HIBADH: variants seen among roughly 807,000 people sequenced by gnomAD.
HIBADH encodes the protein 3-hydroxyisobutyrate dehydrogenase.
In HIBADH, 25 loss-of-function variants were observed where a neutral mutation model predicts 36.1. The observed-to-expected ratio is 0.69, with a 90% confidence interval of 0.50 to 0.97. The LOEUF (loss-of-function observed/expected upper bound fraction) is 0.97, where lower values mean the gene tolerates loss of function less well. HIBADH is among the 50% of genes least tolerant of loss of function. The probability of loss-of-function intolerance (pLI) is 0.00; values close to 1 mark genes in which losing one functional copy is unlikely to be tolerated. For missense variants in HIBADH, 421 were observed against 418.0 expected (o/e 1.01, Z -0.06); for synonymous variants, 160 against 149.5 (o/e 1.07, Z -0.51).
chr7:27,543,509 T>C (rs555619053), intron 4 of HIBADH, among the ~76,000 whole-genome samples: 12 of 151,886 alleles, frequency 7.9e-5, no homozygotes, highest in Non-Finnish European at 1.8e-4. Context: ...CAGAGAGAGG[T>C]CTGCTGCCCA....
In HIBADH at chr7:27,627,743, A is replaced by G. The variant is rs180782302; in HGVS notation, c.484+1628T>C. On this transcript the variant is annotated intron_variant, in intron 4 of 7. Transcript: ENST00000265395. ...TCATAATGATCATGTGTCAACCAAT[A>G]AATTACCACAAATCATCCCTGCACA... is the stretch of plus-strand genomic sequence containing the variant. Among the ~76,000 whole-genome samples, 564 of 152,292 alleles carry G rather than the reference A, an allele frequency of 3.7e-3. 1 individual carries two copies. Among genetic ancestry groups the G allele is most frequent in the African/African-American group, 0.013 (530 of 41,572 alleles).
At chr7:27,647,166 G>A (rs745375103) in intron 2 of HIBADH, among the ~76,000 whole-genome samples, 1 of 152,096 alleles carries the variant, frequency 6.6e-6, no homozygotes, top group Non-Finnish European at 1.5e-5. Flanking sequence ...AAATAAGCAC[G>A]CGATATCACA....
At chr7:27,634,666 TAA>T (rs1491403338) in intron 2 of HIBADH, among the ~76,000 whole-genome samples, 3 of 152,210 alleles carry the variant, frequency 2.0e-5, no homozygotes, top group African/African-American at 7.2e-5. Flanking sequence ...ACCTGAGGTC[TAA>T]GAGTTAATTT....
At chr7:27,620,223 T>C (rs1785513494) in intron 4 of HIBADH, among the ~76,000 whole-genome samples, 1 of 151,766 alleles carries the variant, frequency 6.6e-6, no homozygotes, top group African/African-American at 2.4e-5. Flanking sequence ...GAGGTTGGGG[T>C]TGGGGGGAAT....
chr7:27,616,326 C>CTCTTTCTCT, intron 4 of HIBADH, among the ~76,000 whole-genome samples: 1 of 152,300 alleles, frequency 6.6e-6, no homozygotes, highest in East Asian at 1.9e-4. Context: ...TCTCCTCCAA[C>CTCTTTCTCT]ACTGGGGATC....
intron 4 of HIBADH, among the ~76,000 whole-genome samples, chr7:27,559,445 G>C (rs761630917): frequency 6.6e-6 from 1 of 151,980 alleles, no homozygotes; most frequent in African/African-American, 2.4e-5. Context: ...AAAAAAGCAA[G>C]ATCTCATCTC....
chr7:27,589,713 A>G (rs1316594812), intron 4 of HIBADH, among the ~76,000 whole-genome samples: 1 of 152,230 alleles, frequency 6.6e-6, no homozygotes, highest in Non-Finnish European at 1.5e-5. Flanking sequence ...ATCAGTAAAA[A>G]GGCAATTTGG....
chr7:27,613,145 TA>T (rs1291043603), intron 4 of HIBADH, among the ~76,000 whole-genome samples: 8 of 105,062 alleles, frequency 7.6e-5, no homozygotes, highest in Admixed American at 1.2e-4. Context: ...TATATAAATA[TA>T]TTTTATATAA....
At chr7:27,616,399 T>C (rs1269421747) in intron 4 of HIBADH, among the ~76,000 whole-genome samples, 4 of 152,156 alleles carry the variant, frequency 2.6e-5, no homozygotes, top group African/African-American at 9.7e-5. Flanking sequence ...TAATATCAAA[T>C]GAGTGAATGT....
chr7:27,653,667 G>A (rs759075427), intron 1 of HIBADH, among the ~76,000 whole-genome samples: 6 of 151,900 alleles, frequency 3.9e-5, no homozygotes, highest in Non-Finnish European at 7.4e-5. Context: ...AACCTGGGAG[G>A]CGGAGCTTGC....
chr7:27,655,532 T>C (rs1786282942), intron 1 of HIBADH, among the ~76,000 whole-genome samples: 2 of 152,172 alleles, frequency 1.3e-5, no homozygotes, highest in African/African-American at 2.4e-5. Context: ...CTGCTTCATA[T>C]TTTTCATAAT....
chr7:27,595,579 GGTGTGTGTGTGTGTGTGTGTGTGTGT>G (rs3219776), intron 4 of HIBADH, among the ~76,000 whole-genome samples: 7 of 143,338 alleles, frequency 4.9e-5, no homozygotes, highest in East Asian at 2.1e-4. Context: ...CATAAGGGCA[GGTGTGTGTGTGTGTGTGTGTGTGTGT>G]GTGTGTGTGT....
chr7:27,622,290 T>G (rs1011052593), intron 4 of HIBADH, among the ~76,000 whole-genome samples: 1 of 152,056 alleles, frequency 6.6e-6, no homozygotes, highest in Non-Finnish European at 1.5e-5. Flanking sequence ...TTAAAAAAAT[T>G]TATTGGAACA....
At chr7:27,568,357 T>C (rs1784578361) in intron 4 of HIBADH, among the ~76,000 whole-genome samples, 1 of 152,212 alleles carries the variant, frequency 6.6e-6, no homozygotes, top group Admixed American at 6.5e-5. Context: ...CACTGGCCTT[T>C]TGGCCTACAT....
In HIBADH at chr7:27,637,041, G is replaced by A. The variant is rs73284483; in HGVS notation, c.253-4596C>T. 4.8e-3 allele frequency among the ~76,000 whole-genome samples: 730 copies of A among 152,266 alleles called. 6 individuals carry two copies. The highest frequency in any genetic ancestry group is 0.017 in the African/African-American group (702 of 41,544). On this transcript the variant is annotated intron_variant, in intron 2 of 7. Coordinates refer to ENST00000265395, the MANE Select transcript of HIBADH (RefSeq NM_152740.4). ...GACTCAATAATGCAGCTGAGACAGT[G>A]GTGTTTGGGGTATGTTGGAGAATAA... is the stretch of plus-strand genomic sequence containing the variant.
chr7:27,616,685 C>T (rs1184586420), intron 4 of HIBADH, among the ~76,000 whole-genome samples: 1 of 152,128 alleles, frequency 6.6e-6, no homozygotes, highest in East Asian at 1.9e-4. Context: ...TGGTCTTGAA[C>T]TTCCGGGCTC....
chr7:27,541,688 C>T lies in HIBADH; in HGVS notation c.618+1279G>A, dbSNP rs770946517. On this transcript the variant is annotated intron_variant, in intron 5 of 7. Coordinates refer to ENST00000265395, the MANE Select transcript of HIBADH (RefSeq NM_152740.4). ...ATGACTTTTCTCAGCTTCTTAGGAG[C>T]ACTTCCAGCATCACTAGTGGCACTT... is the stretch of plus-strand genomic sequence containing the variant. The T allele has an allele frequency of 5.8e-5, 23 of 398,356 alleles. 1 individual carries two copies. The highest frequency in any genetic ancestry group is 4.3e-4 in the Middle Eastern group (1 of 2,306). The allele number at this position is 398,356 out of a possible 1,614,324, so 24.7% of individuals were successfully genotyped here.
intron 4 of HIBADH, among the ~76,000 whole-genome samples, chr7:27,579,363 T>C (rs1045896073): frequency 1.3e-5 from 2 of 152,098 alleles, no homozygotes; most frequent in Non-Finnish European, 2.9e-5. Context: ...ATATAACAAA[T>C]AATTACATAG....
chr7:27,531,109 C>A, intron 7 of HIBADH, 83 bp downstream of exon 7: 1 of 1,376,624 alleles, frequency 7.3e-7, no homozygotes. Context: ...GAGACATATG[C>A]TTTATTAAGA....
Sources: allele counts gnomAD v4.1 joint callset (sites outside exome capture counted in the v4.1 genomes callset), GRCh38; gene constraint gnomAD v4.1.1; transcripts MANE v1.5; gene names NCBI Gene and HGNC (gene_info 2026-07-23, HGNC 2026-07-21).